The following ANKS3 variants were observed in gnomAD, a reference collection of about 807,000 sequenced individuals.
ANKS3 encodes the protein ankyrin repeat and sterile alpha motif domain containing 3.
A neutral mutation model predicts 80.7 loss-of-function variants in ANKS3; 62 were observed. The ratio of observed to expected loss-of-function variants is 0.77; its 90% CI spans 0.63 to 0.95. The LOEUF is 0.95. Among genes scored for constraint, ANKS3 ranks in the 40% least tolerant of loss-of-function variants. ANKS3 has a pLI of 0.00. For synonymous variants in ANKS3, 489 were observed against 355.3 expected (o/e 1.38, Z -4.23); for missense variants, 1,150 against 883.6 (o/e 1.30, Z -3.82).
intron 7 of ANKS3, among the ~76,000 whole-genome samples, chr16:4,712,404 A>C (rs910418102): frequency 6.6e-6 from 1 of 152,118 alleles, no homozygotes; most frequent in Middle Eastern, 3.2e-3. Context: ...AGAAGAAAGA[A>C]AACTATAGAC....
At chr16:4,717,019 G>A (rs1371314484) in intron 6 of ANKS3, among the ~76,000 whole-genome samples, 1 of 152,028 alleles carries the variant, frequency 6.6e-6, no homozygotes, top group African/African-American at 2.4e-5. Flanking sequence ...ATCACCTGAG[G>A]TCAGGAGTTC....
chr16:4,724,295 A>C (rs965563724), intron 6 of ANKS3, among the ~76,000 whole-genome samples: 1 of 152,226 alleles, frequency 6.6e-6, no homozygotes, highest in African/African-American at 2.4e-5. Context: ...TATACGTAGA[A>C]TCCCACTTTG....
intron 5 of ANKS3, 125 bp downstream of exon 5, chr16:4,726,534 A>G: frequency 1.0e-6 from 1 of 1,001,350 alleles, no homozygotes; most frequent in Non-Finnish European, 1.5e-6. Flanking sequence ...CCTACCCCTC[A>G]TCTTGAGCCT....
chr16:4,728,659 G>A (rs1453308035), intron 3 of ANKS3, among the ~76,000 whole-genome samples: 1 of 151,670 alleles, frequency 6.6e-6, no homozygotes, highest in Non-Finnish European at 1.5e-5. Context: ...CTTACTATCA[G>A]CAAGCCTCCA....
intron 8 of ANKS3, among the ~76,000 whole-genome samples, chr16:4,703,640 G>A (rs913181220): frequency 1.3e-5 from 2 of 150,352 alleles, no homozygotes; most frequent in African/African-American, 4.9e-5. Context: ...AGGATGGTCT[G>A]GATCTCTTGA....
chr16:4,726,860 A>AG, intron 4 of ANKS3, 80 bp from the exon 5 acceptor site: 2 of 1,596,618 alleles, frequency 1.3e-6, no homozygotes, highest in Non-Finnish European at 1.7e-6. Flanking sequence ...CCATGCTGCA[A>AG]GAATCAGAAG....
At chr16:4,713,112 A>C (rs1463771298) in intron 7 of ANKS3, among the ~76,000 whole-genome samples, 1 of 152,128 alleles carries the variant, frequency 6.6e-6, no homozygotes, top group Admixed American at 6.6e-5. Context: ...TCTACTGAAA[A>C]TACAAAAAAT....
chr16:4,718,077 T>A (rs74356597), intron 6 of ANKS3, among the ~76,000 whole-genome samples: 29 of 135,078 alleles, frequency 2.1e-4, no homozygotes, highest in Non-Finnish European at 1.9e-4. Context: ...GCCTGGCCAA[T>A]TTTTTTTTTT....
rs186575906 is a variant in ANKS3, at chr16:4,731,596, T to C, written c.-70-17A>G. 2.0e-4 allele frequency: 187 copies of C among 918,528 alleles called. 2 individuals carry two copies. In the East Asian group the frequency reaches 0.018, roughly 88 times the overall value. 56.9% of individuals were successfully genotyped at this position (918,528 alleles called of 1,614,324 possible). ...GCACCTGGCCTGTAAATTTTAAATA[T>C]AAATTAATTTTTCTGGAATGGTTAT... On this transcript the variant is annotated splice_polypyrimidine_tract_variant and intron_variant, in intron 1 of 17. Coordinates refer to ENST00000304283, the MANE Select transcript of ANKS3 (RefSeq NM_133450.4).
At chr16:4,708,039 T>C (rs1042692997) in intron 7 of ANKS3, among the ~76,000 whole-genome samples, 20 of 151,954 alleles carry the variant, frequency 1.3e-4, no homozygotes, top group African/African-American at 4.8e-4. Flanking sequence ...CGCTTGAACC[T>C]GGGAGGCAGA....
intron 6 of ANKS3, among the ~76,000 whole-genome samples, chr16:4,720,725 A>T (rs901192525): frequency 1.3e-5 from 2 of 149,292 alleles, no homozygotes; most frequent in African/African-American, 2.5e-5. Flanking sequence ...AGATCACTTG[A>T]GGTCAGGAGT....
chr16:4,727,219 G>T, intron 3 of ANKS3, 42 bp from the exon 4 acceptor site: 1 of 1,598,792 alleles, frequency 6.3e-7, no homozygotes, highest in Non-Finnish European at 8.5e-7. Context: ...CAGCCGCCTC[G>T]CATGTGGGGT....
In ANKS3 at chr16:4,696,585, C is replaced by T. The variant is rs1375990868; in HGVS notation, c.*323G>A. 5.3e-6 allele frequency: 1 copy of T among 190,160 alleles called. No homozygotes were observed. The highest frequency in any genetic ancestry group is 1.1e-4 in the South Asian group (1 of 8,888). The allele number at this position is 190,160 out of a possible 1,614,324, so 11.8% of individuals were successfully genotyped here. On this transcript the variant is annotated 3_prime_UTR_variant, in exon 18 of 18. Transcript: ENST00000304283. ...CCAGTCCTCATTCCTAAGGTCCCAC[C>T]TCAGTTGGCACCTGTGCGTGTATAT...
At chr16:4,730,266 G>A (rs1417303012) in intron 2 of ANKS3, 115 bp from the exon 3 acceptor site, 1 of 994,186 alleles carries the variant, frequency 1.0e-6, no homozygotes, top group Non-Finnish European at 1.3e-6. Context: ...ACCCAGTGCA[G>A]TCAACCCCGG....
intron 6 of ANKS3, among the ~76,000 whole-genome samples, chr16:4,718,368 G>A (rs562827759): frequency 1.2e-4 from 19 of 152,258 alleles, no homozygotes; most frequent in East Asian, 3.9e-4. Flanking sequence ...AAGACTATCC[G>A]GAAGGCACGA....
chr16:4,698,088 G>A (rs1199770465), intron 14 of ANKS3, 26 bp from the exon 15 acceptor site: 1 of 1,583,692 alleles, frequency 6.3e-7, no homozygotes, highest in Non-Finnish European at 8.6e-7. Flanking sequence ...ACAAATATTG[G>A]TGAGAGCAGA....
chr16:4,708,646 A>G (rs1426133394), intron 7 of ANKS3, among the ~76,000 whole-genome samples: 4 of 152,080 alleles, frequency 2.6e-5, no homozygotes, highest in Non-Finnish European at 2.9e-5. Flanking sequence ...TAAGAAAAAA[A>G]GGAAGAGGCT....
chr16:4,726,398 A>T (rs2081354123), intron 5 of ANKS3, among the ~76,000 whole-genome samples: 1 of 152,246 alleles, frequency 6.6e-6, no homozygotes, highest in Non-Finnish European at 1.5e-5. Flanking sequence ...GGCATACAAT[A>T]AAACATGTAA....
chr16:4,729,943 C>A, intron 3 of ANKS3, 37 bp downstream of exon 3: 1 of 1,448,386 alleles, frequency 6.9e-7, no homozygotes, highest in Non-Finnish European at 9.2e-7. Flanking sequence ...CACTGCGCTG[C>A]TCAAAATGTG....
Sources: gnomAD v4.1 joint callset for allele counts (sites outside exome capture counted in the v4.1 genomes callset) on GRCh38, gnomAD v4.1.1 for gene constraint, MANE v1.5 for transcripts, NCBI Gene and HGNC (gene_info 2026-07-23, HGNC 2026-07-21) for gene names.